Variants in TP63 observed in about 807,000 individuals in gnomAD.
TP63 encodes the protein tumor protein 63.
In TP63, 17 loss-of-function variants were observed where a neutral mutation model predicts 82.8. That is an observed-to-expected ratio of 0.21 (90% CI 0.14 to 0.31). TP63 has a LOEUF of 0.31. Among genes scored for constraint, TP63 ranks in the 10% least tolerant of loss-of-function variants. TP63 has a pLI of 1.00. For missense variants in TP63, 648 were observed against 895.3 expected, an observed-to-expected ratio of 0.72 and a Z score of 3.52; for synonymous variants, 330 against 321.7, an observed-to-expected ratio of 1.03 and a Z score of -0.28.
intron 1 of TP63, among the ~76,000 whole-genome samples, chr3:189,682,550 A>T (rs1359027335): frequency 1.3e-3 from 61 of 45,218 alleles, no homozygotes; most frequent in Non-Finnish European, 2.6e-3. Context: ...AAAAAAAAAA[A>T]AAAATATATA....
chr3:189,845,699 C>T (rs1425218427), intron 4 of TP63, among the ~76,000 whole-genome samples: 3 of 147,294 alleles, frequency 2.0e-5, no homozygotes, highest in Non-Finnish European at 4.5e-5. Flanking sequence ...ATTGCAGACT[C>T]GGGAGGGCTT....
At chr3:189,623,335 A>G in the TP63 span, among the ~76,000 whole-genome samples, 1 of 152,174 alleles carries the variant, frequency 6.6e-6, no homozygotes, top group Non-Finnish European at 1.5e-5. Context: ...AGAATGCTTC[A>G]TTTTATTATC....
chr3:189,832,546 C>G (rs528290732), intron 4 of TP63, among the ~76,000 whole-genome samples: 1 of 152,250 alleles, frequency 6.6e-6, no homozygotes, highest in East Asian at 1.9e-4. Context: ...TTTAATAAAG[C>G]ATGAAGTTTG....
At chr3:189,731,908 C>T (rs1720201613) in intron 1 of TP63, among the ~76,000 whole-genome samples, 4 of 152,192 alleles carry the variant, frequency 2.6e-5, no homozygotes, top group Admixed American at 2.0e-4. Flanking sequence ...CCTATGGCAC[C>T]AGCTAATCTT....
At chr3:189,833,043 T>C (rs1483071862) in intron 4 of TP63, among the ~76,000 whole-genome samples, 1 of 152,258 alleles carries the variant, frequency 6.6e-6, no homozygotes, top group Admixed American at 6.5e-5. Flanking sequence ...TGTATCTTAT[T>C]GATAGAGAGT....
At chr3:189,789,921 G>A (rs1244855689) in intron 3 of TP63, 13 of 1,365,120 alleles carry the variant, frequency 9.5e-6, no homozygotes, top group Admixed American at 2.8e-5. Context: ...ACGTATTTGC[G>A]GTTCTCGGTC....
At chr3:189,882,401 G>C (rs1577187869) in intron 10 of TP63, among the ~76,000 whole-genome samples, 1 of 151,746 alleles carries the variant, frequency 6.6e-6, no homozygotes, top group South Asian at 2.1e-4. Context: ...AAGGTCACAG[G>C]TAGGCAGTAC....
the TP63 span, among the ~76,000 whole-genome samples, chr3:189,596,986 A>G: frequency 6.6e-6 from 1 of 151,904 alleles, no homozygotes; most frequent in African/African-American, 2.4e-5. Flanking sequence ...CTGCAGCTTC[A>G]CTCCTGAGCC....
intron 1 of TP63, among the ~76,000 whole-genome samples, chr3:189,716,728 A>ATG (rs1475920177): frequency 6.6e-6 from 1 of 152,074 alleles, no homozygotes; most frequent in African/African-American, 2.4e-5. Flanking sequence ...ATCTTATCTG[A>ATG]AATTTTTTCA....
At chr3:189,626,896 C>A (rs1436437728), upstream of TP63, among the ~76,000 whole-genome samples, 1 of 149,920 alleles carries the variant, frequency 6.7e-6, no homozygotes, top group African/African-American at 2.5e-5. Flanking sequence ...TGTGAATTTT[C>A]ATATTTCTTT....
At chr3:189,664,283 A>T (rs1330774118) in intron 1 of TP63, among the ~76,000 whole-genome samples, 1 of 152,214 alleles carries the variant, frequency 6.6e-6, no homozygotes, top group Non-Finnish European at 1.5e-5. Context: ...AATTTATTGC[A>T]TGCCTATCTC....
the TP63 span, among the ~76,000 whole-genome samples, chr3:189,617,178 T>G: frequency 6.6e-6 from 1 of 152,234 alleles, no homozygotes; most frequent in African/African-American, 2.4e-5. Flanking sequence ...GCCTCCTGTA[T>G]ACTAGCCATC....
chr3:189,604,243 A>C, the TP63 span, among the ~76,000 whole-genome samples: 2 of 152,190 alleles, frequency 1.3e-5, no homozygotes, highest in African/African-American at 4.8e-5. Flanking sequence ...TCAGTGAAAT[A>C]AATAATTAAA....
At position 189,891,161 on chromosome 3, in the gene TP63, C is replaced by T. The variant is rs113736000; in HGVS notation, c.1746+279C>T. On this transcript the variant is annotated intron_variant, in intron 13 of 13. Coordinates refer to ENST00000264731, the MANE Select transcript of TP63 (RefSeq NM_003722.5). The stretch of plus-strand genomic sequence containing the variant: ...CAAGGTGGGAAAGAGGAGCTATTCC[C>T]GCAATCAAAACATTCATAATTTCTA... 3.4e-3 allele frequency among the ~76,000 whole-genome samples: 515 copies of T among 152,230 alleles called. 3 individuals are homozygous for T. The highest frequency in any genetic ancestry group is 5.4e-3 in the Non-Finnish European group (365 of 68,030).
At position 189,709,639 on chromosome 3, in the gene TP63, C is replaced by T. The variant is rs1456342484; in HGVS notation, c.63-28101C>T. 2.6e-5 allele frequency among the ~76,000 whole-genome samples: 4 copies of T among 151,896 alleles called. No homozygotes were observed. The East Asian group carries it at 5.8e-4, about 22-fold the overall frequency. On this transcript the variant is annotated intron_variant, in intron 1 of 13. Coordinates refer to ENST00000264731, the MANE Select transcript of TP63 (RefSeq NM_003722.5). ...CAGCCTGGGCAACAGAGCAAGACTCCGTCTCAAAAAATAATAATAATAAAA... is the reference window on the plus strand; with the variant it reads ...CAGCCTGGGCAACAGAGCAAGACTCTGTCTCAAAAAATAATAATAATAAAA...
At chr3:189,718,880 A>T (rs1719161128) in intron 1 of TP63, among the ~76,000 whole-genome samples, 1 of 152,168 alleles carries the variant, frequency 6.6e-6, no homozygotes, top group African/African-American at 2.4e-5. Context: ...ACAAAAACAA[A>T]AAAACAATGT....
chr3:189,882,497 A>G (rs1470773153), intron 10 of TP63, among the ~76,000 whole-genome samples: 5 of 151,432 alleles, frequency 3.3e-5, no homozygotes, highest in African/African-American at 1.2e-4. Context: ...CTTTCTCATA[A>G]CAAGGATGCT....
intron 3 of TP63, among the ~76,000 whole-genome samples, chr3:189,749,370 A>C (rs1439909904): frequency 6.6e-6 from 1 of 152,218 alleles, no homozygotes; most frequent in Non-Finnish European, 1.5e-5. Flanking sequence ...AAATGAGATT[A>C]CTGACATCAA....
At chr3:189,873,100 C>A in intron 10 of TP63, 105 bp downstream of exon 10, 2 of 1,561,232 alleles carry the variant, frequency 1.3e-6, no homozygotes, top group Non-Finnish European at 1.8e-6. Context: ...TGGGAGATAG[C>A]AGATTGTCAT....
Sources: allele counts gnomAD v4.1 joint callset (sites outside exome capture counted in the v4.1 genomes callset), GRCh38; gene constraint gnomAD v4.1.1; transcripts MANE v1.5; gene names NCBI Gene and HGNC (gene_info 2026-07-23, HGNC 2026-07-21).